GRIN3A: variants seen among roughly 807,000 people sequenced by gnomAD.
GRIN3A encodes glutamate ionotropic receptor NMDA type subunit 3A, also known as glutamate receptor ionotropic, NMDA 3A.
In GRIN3A, 47 loss-of-function variants were observed where a neutral mutation model predicts 92.4. The ratio of observed to expected loss-of-function variants is 0.51; its 90% confidence interval spans 0.40 to 0.65. The LOEUF (loss-of-function observed/expected upper bound fraction) is 0.65. GRIN3A is among the 30% of genes least tolerant of loss of function. GRIN3A has a pLI of 0.00. For synonymous variants in GRIN3A, 527 were observed against 540.6 expected, an observed-to-expected ratio of 0.97 and a Z score of 0.35; for missense variants, 1,324 against 1,393.1, an observed-to-expected ratio of 0.95 and a Z score of 0.79.
chr9:101,688,686 C>A (rs1327711595), intron 1 of GRIN3A, among the ~76,000 whole-genome samples: 1 of 151,984 alleles, frequency 6.6e-6, no homozygotes, highest in Non-Finnish European at 1.5e-5. Flanking sequence ...CTTTGGGAGG[C>A]CGAGGCAGGA....
chr9:101,726,848 C>CAA (rs1253264401), intron 1 of GRIN3A, among the ~76,000 whole-genome samples: 1 of 151,720 alleles, frequency 6.6e-6, no homozygotes, highest in Non-Finnish European at 1.5e-5. Context: ...GATTCATGTG[C>CAA]TTGAGAAACT....
In GRIN3A at chr9:101,737,316, T is replaced by C; in HGVS notation, c.664A>G (p.Ser222Gly). 6.2e-7 allele frequency: 1 copy of C among 1,614,176 alleles called. No homozygotes were observed. The change falls in exon 1 of 9, where the codon AGC (serine) becomes GGC (glycine). Residue 222 changes from serine to glycine, a missense_variant. Transcript: ENST00000361820. ...CGTGGAAACTCGTGGCGCACGATGC[T>C]GATCACTGGAATGTGCAGGACTAAG... Reference protein sequence around the residue: ...VSLVLHIPVISIVRHEFPRES... With the variant: ...VSLVLHIPVIGIVRHEFPRES...
intron 3 of GRIN3A, among the ~76,000 whole-genome samples, chr9:101,634,008 T>TATCTGCTTGATCG (rs1564131494): frequency 6.6e-6 from 1 of 151,660 alleles, no homozygotes; most frequent in Non-Finnish European, 1.5e-5. Context: ...ACGCTGTTAC[T>TATCTGCTTGATCG]TCTCTGCTTG....
chr9:101,654,582 C>T (rs965375883), intron 3 of GRIN3A, among the ~76,000 whole-genome samples: 4 of 151,746 alleles, frequency 2.6e-5, no homozygotes, highest in Admixed American at 6.6e-5. Flanking sequence ...CAGAGGGAGA[C>T]TGATTCCCTG....
In GRIN3A at chr9:101,585,942, C is replaced by T. The variant is rs1029563028; in HGVS notation, c.2767-6582G>A. ...ATTTCCTCATATCCTTCTTCTCTCTCGCTGGTTGACTTTGCTCAGCCATTT... is the reference window on the plus strand; with the variant it reads ...ATTTCCTCATATCCTTCTTCTCTCTTGCTGGTTGACTTTGCTCAGCCATTT... On this transcript the variant is annotated intron_variant, in intron 6 of 8. Coordinates refer to ENST00000361820, the MANE Select transcript of GRIN3A (RefSeq NM_133445.3). 4.6e-5 allele frequency among the ~76,000 whole-genome samples: 7 copies of T among 152,294 alleles called. No individual in the cohort carries two copies. In the East Asian group the frequency reaches 1.2e-3, roughly 25 times the overall value.
intron 3 of GRIN3A, among the ~76,000 whole-genome samples, chr9:101,647,098 C>T (rs6479059): frequency 0.089 from 13,446 of 151,796 alleles, 862 homozygotes; most frequent in East Asian, 0.22. Flanking sequence ...GGGTTTCAGT[C>T]TTTCCCCATT....
rs1282306148 is a variant in GRIN3A, at chr9:101,634,378, C to T, written c.2353-5977G>A. 4.7e-5 allele frequency among the ~76,000 whole-genome samples: 7 copies of T among 148,438 alleles called. No individual in the cohort carries two copies. The Admixed American group carries it at 4.7e-4, about 10-fold the overall frequency. ...GAAAATTACTCCTTTTGAGGCATAGCTTCTGTAAATGAAAGGTGACTTTTG... is the reference window on the plus strand; with the variant it reads ...GAAAATTACTCCTTTTGAGGCATAGTTTCTGTAAATGAAAGGTGACTTTTG... On this transcript the variant is annotated intron_variant, in intron 3 of 8. Coordinates refer to ENST00000361820, the MANE Select transcript of GRIN3A (RefSeq NM_133445.3).
At chr9:101,613,554 GT>G in intron 5 of GRIN3A, 27 bp from the exon 6 acceptor site, 1 of 1,612,122 alleles carries the variant, frequency 6.2e-7, no homozygotes, top group South Asian at 1.1e-5. Context: ...TCTCAGATGA[GT>G]TTTTTACACC....
chr9:101,583,574 T>G (rs761548955), intron 6 of GRIN3A, among the ~76,000 whole-genome samples: 15 of 152,226 alleles, frequency 9.9e-5, no homozygotes, highest in Middle Eastern at 3.4e-3. Context: ...ATATTCAATA[T>G]CAAATATTTA....
In GRIN3A at chr9:101,702,076, C is replaced by T. The variant is rs778662847; in HGVS notation, c.700-14876G>A. Among the ~76,000 whole-genome samples, 194 of 152,152 alleles carry T rather than the reference C, an allele frequency of 1.3e-3. 1 individual carries two copies. The highest frequency in any genetic ancestry group is 2.0e-3 in the Non-Finnish European group (137 of 68,000). On this transcript the variant is annotated intron_variant, in intron 1 of 8. Transcript: ENST00000361820. ...CAGCACCTTGTGAGGCCAAATTGGG[C>T]GAATCACTTGAGGCCAGGAGTTCAA...
intron 1 of GRIN3A, among the ~76,000 whole-genome samples, chr9:101,696,059 A>G (rs2118992861): frequency 6.6e-6 from 1 of 152,334 alleles, no homozygotes; most frequent in South Asian, 2.1e-4. Context: ...TCATGAGAGT[A>G]AAATACATCA....
intron 1 of GRIN3A, among the ~76,000 whole-genome samples, chr9:101,723,469 A>C (rs1219578510): frequency 6.6e-6 from 1 of 152,202 alleles, no homozygotes; most frequent in African/African-American, 2.4e-5. Flanking sequence ...AAGAGTGAGC[A>C]GTAGCAAGAT....
chr9:101,701,192 G>C (rs1438425559), intron 1 of GRIN3A, among the ~76,000 whole-genome samples: 1 of 152,156 alleles, frequency 6.6e-6, no homozygotes, highest in Non-Finnish European at 1.5e-5. Context: ...ATTAGTTTCT[G>C]AAGTGCCTGG....
At chr9:101,643,768 G>C (rs1004750671) in intron 3 of GRIN3A, among the ~76,000 whole-genome samples, 1 of 150,526 alleles carries the variant, frequency 6.6e-6, no homozygotes, top group African/African-American at 2.4e-5. Context: ...TGAACTCAGA[G>C]GATATTATGT....
In GRIN3A at chr9:101,737,844, G is replaced by A; in HGVS notation, c.136C>T (p.His46Tyr). The A allele has an allele frequency of 6.5e-7, 1 of 1,533,298 alleles. No homozygotes were observed. 95.0% of individuals were successfully genotyped at this position (1,533,298 alleles called of 1,614,324 possible). A position where few individuals can be genotyped will look rare whatever the true frequency, so the allele number is the denominator to read the frequency against. The change falls in exon 1 of 9, where the codon CAC (histidine) becomes TAC (tyrosine). Residue 46 changes from histidine to tyrosine, a missense_variant. Physicochemically the swap from His to Tyr is moderately conservative, Grantham distance 83. Transcript: ENST00000361820. ...QPCQILKRIG[H>Y]AVRVGAVHLQ... ...TGCACCGCGCCCACCCTCACCGCGT[G>A]CCCGATGCGCTTGAGGATCTGGCAG... is the stretch of plus-strand genomic sequence containing the variant.
At chr9:101,736,604 C>T (rs1830208489) in intron 1 of GRIN3A, among the ~76,000 whole-genome samples, 1 of 152,006 alleles carries the variant, frequency 6.6e-6, no homozygotes, top group African/African-American at 2.4e-5. Context: ...GACAAAGAAA[C>T]AATCCCCAAA....
intron 2 of GRIN3A, among the ~76,000 whole-genome samples, chr9:101,677,917 TC>T (rs1829420398): frequency 6.6e-6 from 1 of 152,170 alleles, no homozygotes; most frequent in Non-Finnish European, 1.5e-5. Flanking sequence ...ATTTATCTCA[TC>T]TTTGACTTTT....
chr9:101,572,914 G>T lies in GRIN3A; in HGVS notation c.*260C>A. On this transcript the variant is annotated 3_prime_UTR_variant, in exon 9 of 9. Transcript: ENST00000361820. The stretch of plus-strand genomic sequence containing the variant: ...GGTTAACGGCAGCTGGGGTTATCTG[G>T]TTATTCACAGATCTCTCGCACAGAG... 2.0e-6 allele frequency: 1 copy of T among 491,762 alleles called. No homozygotes were observed. Among genetic ancestry groups the T allele is most frequent in the Non-Finnish European group, 3.7e-6 (1 of 269,230 alleles). The allele number at this position is 491,762 out of a possible 1,614,324, so 30.5% of individuals were successfully genotyped here. A position where few individuals can be genotyped will look rare whatever the true frequency, so the allele number is the denominator to read the frequency against.
intron 6 of GRIN3A, among the ~76,000 whole-genome samples, chr9:101,584,214 A>T (rs994696336): frequency 6.6e-6 from 1 of 152,140 alleles, no homozygotes; most frequent in African/African-American, 2.4e-5. Flanking sequence ...TCCTTCACAA[A>T]CTTACTCTAG....
Sources: allele counts gnomAD v4.1 joint callset (sites outside exome capture counted in the v4.1 genomes callset), GRCh38; gene constraint gnomAD v4.1.1; transcripts MANE v1.5; gene names NCBI Gene and HGNC (gene_info 2026-07-23, HGNC 2026-07-21).